Variants in TONSL observed in about 807,000 individuals in gnomAD.
The protein encoded by TONSL is tonsoku like, DNA repair protein.
A neutral mutation model predicts 147.1 loss-of-function variants in TONSL; 112 were observed. The ratio of observed to expected loss-of-function variants is 0.76; its 90% CI spans 0.65 to 0.89. The LOEUF (loss-of-function observed/expected upper bound fraction) is 0.89. Ranked by LOEUF, TONSL falls within the 40% of genes least tolerant of loss-of-function variation. The pLI, the probability that TONSL is intolerant of heterozygous loss-of-function variation, is 0.00. For synonymous variants in TONSL, 868 were observed against 801.5 expected (o/e 1.08, Z -1.40); for missense variants, 1,883 against 1,864.6 (o/e 1.01, Z -0.18).
intron 25 of TONSL, among the ~76,000 whole-genome samples, 200 bp downstream of exon 25, chr8:144,430,204 C>T (rs2130834325): frequency 6.6e-6 from 1 of 152,336 alleles, no homozygotes; most frequent in South Asian, 2.1e-4. Flanking sequence ...ACCTCGCCCC[C>T]TAACCCATGG....
intron 24 of TONSL, 46 bp downstream of exon 24, chr8:144,431,032 T>G (rs370373260): frequency 1.1e-3 from 1,761 of 1,582,932 alleles, no homozygotes; most frequent in Non-Finnish European, 1.3e-3. Flanking sequence ...TCCAGAGCCA[T>G]GAGATCAGAC....
At chr8:144,433,143 C>T (rs12542638) in intron 22 of TONSL, 78,995 of 159,686 alleles carry the variant, frequency 0.49, 19,811 homozygotes, top group Middle Eastern at 0.62. Flanking sequence ...TGCAACGGCG[C>T]GATCTCGGCT....
In TONSL at chr8:144,435,659, A is replaced by C. The variant is rs200290630; in HGVS notation, c.2774T>G (p.Leu925Trp). Residue 925 changes from leucine to tryptophan, a missense_variant and splice_region_variant, in exon 17 of 26, where the codon TTG becomes TGG. Physicochemically the swap from Leu to Trp is moderately conservative, Grantham distance 61. Coordinates refer to ENST00000409379, the MANE Select transcript of TONSL (RefSeq NM_013432.5). ...SGDSSAAGQP[L>W]GPAPPPPIRV... is the part of the protein sequence containing the mutation. The stretch of plus-strand genomic sequence containing the variant: ...TCTGCTCCAGGTCTGCATACCCACC[A>C]AGGGCTGGCCTGCCGCAGAGCTGTC... 48 of 1,598,912 alleles carry C rather than the reference A, an allele frequency of 3.0e-5. No homozygotes were observed. The Admixed American group carries it at 7.7e-4, about 26-fold the overall frequency.
At position 144,436,877 on chromosome 8, in the gene TONSL, G is replaced by C; in HGVS notation, c.1770C>G (p.Asp590Glu). 6.2e-7 allele frequency: 1 copy of C among 1,609,490 alleles called. No homozygotes were observed. Among genetic ancestry groups the C allele is most frequent in the Non-Finnish European group, 8.5e-7 (1 of 1,179,696 alleles). Residue 590 changes from aspartate to glutamate, a missense_variant, in exon 15 of 26, where the codon GAC becomes GAG. Physicochemically the swap from Asp to Glu is conservative, Grantham distance 45 (BLOSUM62 2). Transcript: ENST00000409379. ...FLLDHGAAVD[D>E]PGGQGCEGIT... ...TGCCTTCGCAGCCCTGGCCACCTGGGTCGTCCACTGCGGCCCCGTGGTCCA... is the reference window on the plus strand; with the variant it reads ...TGCCTTCGCAGCCCTGGCCACCTGGCTCGTCCACTGCGGCCCCGTGGTCCA...
intron 23 of TONSL, 80 bp from the exon 24 acceptor site, chr8:144,431,231 C>G: frequency 7.2e-7 from 1 of 1,398,086 alleles, no homozygotes; most frequent in Non-Finnish European, 1.0e-6. Context: ...TGCACCACAC[C>G]CAGGGGCCCA....
chr8:144,436,988 C>G (rs773409446), intron 14 of TONSL, 39 bp downstream of exon 14: 8 of 1,612,872 alleles, frequency 5.0e-6, no homozygotes, highest in African/African-American at 1.3e-5. Flanking sequence ...CCCCACGTGT[C>G]CACCAAGGTG....
Position 144,438,673 on chromosome 8 carries a change from C to T in TONSL, c.1543G>A (p.Gly515Ser), listed in dbSNP as rs1177642295. The change falls in exon 12 of 26, where the codon GGC (glycine) becomes AGC (serine). Residue 515 changes from glycine (G) to serine (S), a missense_variant. Physicochemically the swap from Gly to Ser is moderately conservative, Grantham distance 56. Transcript: ENST00000409379. ...EEDEELQGHL[G>S]RRKGSKWNRR... ...CTCACCTTGCTCCCCTTCCGCCGGC[C>T]CAGGTGGCCCTGAAGCTCCTCGTCC... 4.3e-6 allele frequency: 7 copies of T among 1,613,250 alleles called. No homozygotes were observed. The highest frequency in any genetic ancestry group is 5.9e-6 in the Non-Finnish European group (7 of 1,179,942).
Position 144,436,899 on chromosome 8 carries a change from T to G in TONSL, c.1748A>C (p.Asp583Ala), listed in dbSNP as rs1192788217. 2.7e-5 allele frequency: 44 copies of G among 1,608,428 alleles called. No homozygotes were observed. Among genetic ancestry groups the G allele is most frequent in the Non-Finnish European group, 3.5e-5 (41 of 1,179,166 alleles). ...TGGGTCGTCCACTGCGGCCCCGTGG[T>G]CCAGCAGGAAGCGGACAATTTCTGC... ...GHLEIVRFLL[D>A]HGAAVDDPGG... Residue 583 changes from aspartate to alanine, a missense_variant, in exon 15 of 26, where the codon GAC (aspartate) becomes GCC (alanine). By Grantham distance (126) the Asp-to-Ala change is moderately radical. Transcript: ENST00000409379.
Position 144,436,130 on chromosome 8 carries a change from C to T in TONSL, c.2303G>A (p.Arg768Gln), listed in dbSNP as rs779585131. 14 of 1,561,478 alleles carry T rather than the reference C, an allele frequency of 9.0e-6. No individual in the cohort carries two copies. The highest frequency in any genetic ancestry group is 4.6e-5 in the South Asian group (4 of 87,580). The change falls in exon 17 of 26, where the codon CGG becomes CAG. Residue 768 changes from arginine (R) to glutamine (Q), a missense_variant. Arg to Gln is a conservative substitution (Grantham distance 43, BLOSUM62 1). Transcript: ENST00000409379. The part of the protein sequence containing the change: ...KRPRCSATAQ[R>Q]VAAWTPGPAS... Reference sequence around the variant, plus strand: ...GGGGCCAGGCGTCCAGGCTGCCACCCGTTGTGCTGTGGCCGAGCACCGAGG... The same window carrying T: ...GGGGCCAGGCGTCCAGGCTGCCACCTGTTGTGCTGTGGCCGAGCACCGAGG...
At chr8:144,443,600 G>GGA (rs1188311624) in intron 3 of TONSL, among the ~76,000 whole-genome samples, 1 of 152,240 alleles carries the variant, frequency 6.6e-6, no homozygotes, top group African/African-American at 2.4e-5. Flanking sequence ...CCAGGGTCAG[G>GGA]GAGAGCTTTT....
chr8:144,444,192 G>C lies in TONSL; in HGVS notation c.109C>G (p.Leu37Val), dbSNP rs1236794687. 4.8e-6 allele frequency: 7 copies of C among 1,453,000 alleles called. No homozygotes were observed. The highest frequency in any genetic ancestry group is 6.3e-6 in the Non-Finnish European group (7 of 1,106,200). 90.0% of individuals were successfully genotyped at this position (1,453,000 alleles called of 1,614,324 possible). A position where few individuals can be genotyped will look rare whatever the true frequency, so the allele number is the denominator to read the frequency against. ...AALCHQLGEL[L>V]AGHGRYAEAL... is the part of the protein sequence containing the mutation. ...TCCCGGCGCTCACCATGGCCGGCCA[G>C]GAGCTCCCCCAGCTGGTGGCACAGC... The change falls in exon 2 of 26, where the codon CTG (leucine) becomes GTG (valine). Residue 37 changes from leucine to valine, a missense_variant. Transcript: ENST00000409379.
Position 144,436,582 on chromosome 8 carries a change from G to A in TONSL, c.1990C>T (p.Leu664Phe). Residue 664 changes from leucine (L) to phenylalanine (F), a missense_variant, in exon 16 of 26, where the codon CTC becomes TTC. Leu to Phe is a conservative substitution (Grantham distance 22). Transcript: ENST00000409379. ...RQKARAMEML[L>F]QAAASGQDPH... ...CCTTGGCCCGAGGCAGCCGCCTGGA[G>A]CAGCATCTCCATGGCCCTGGCCTTC... 6.2e-7 allele frequency: 1 copy of A among 1,611,160 alleles called. No homozygotes were observed. Among genetic ancestry groups the A allele is most frequent in the Non-Finnish European group, 8.5e-7 (1 of 1,179,914 alleles).
At position 144,436,105 on chromosome 8, in the gene TONSL, G is replaced by A. The variant is rs545590970; in HGVS notation, c.2328C>T (p.Pro776=). Reference sequence around the variant, plus strand: ...CTGTGGCTGCTTCCCTGTTGCTGGCGGGGCCAGGCGTCCAGGCTGCCACCC... The same window carrying A: ...CTGTGGCTGCTTCCCTGTTGCTGGCAGGGCCAGGCGTCCAGGCTGCCACCC... ...AQRVAAWTPG[P]ASNREAATAS... is the part of the protein sequence containing the mutation. Residue 776 remains proline, a synonymous_variant, in exon 17 of 26, where the codon CCC becomes CCT. Coordinates refer to ENST00000409379, the MANE Select transcript of TONSL (RefSeq NM_013432.5). 3.7e-5 allele frequency: 58 copies of A among 1,558,022 alleles called. No individual in the cohort carries two copies. Among genetic ancestry groups the A allele is most frequent in the South Asian group, 3.4e-4 (30 of 87,174 alleles).
chr8:144,435,968 G>A lies in TONSL; in HGVS notation c.2465C>T (p.Ala822Val). ...GCACTCCTCCTCCGGGATGAGCGCT[G>A]CCTGGGGGGCAAGGGCTTTGCTGTG... is the stretch of plus-strand genomic sequence containing the variant. ...RGHSKALAPQ[A>V]ALIPEEECLA... The change falls in exon 17 of 26, where the codon GCA (alanine) becomes GTA (valine). Residue 822 changes from alanine (A) to valine (V), a missense_variant. Physicochemically the swap from Ala to Val is moderately conservative, Grantham distance 64. Transcript: ENST00000409379. The A allele has an allele frequency of 1.3e-6, 2 of 1,556,816 alleles. No individual in the cohort carries two copies. The highest frequency in any genetic ancestry group is 1.7e-6 in the Non-Finnish European group (2 of 1,151,508).
At chr8:144,436,440 T>G in intron 16 of TONSL, 22 bp from the exon 17 acceptor site, 1 of 1,526,520 alleles carries the variant, frequency 6.6e-7, no homozygotes, top group South Asian at 1.2e-5. Flanking sequence ...AGAATGCGTG[T>G]TGAGGCAGGG....
chr8:144,442,220 G>A (rs370357015), intron 6 of TONSL, 21 bp downstream of exon 6: 105 of 1,589,470 alleles, frequency 6.6e-5, no homozygotes, highest in South Asian at 1.3e-4. Flanking sequence ...GCCTGAGCTC[G>A]GAGCCACGCA....
intron 19 of TONSL, 22 bp downstream of exon 19, chr8:144,434,995 C>G (rs765048419): frequency 6.2e-7 from 1 of 1,611,828 alleles, no homozygotes; most frequent in South Asian, 1.1e-5. Context: ...GGCCCTGGCT[C>G]CCCCTCCGCT....
At position 144,436,701 on chromosome 8, in the gene TONSL, CA is replaced by C. The variant is rs775277221; in HGVS notation, c.1891-21del. The C allele has an allele frequency of 6.2e-7, 1 of 1,611,584 alleles. No individual in the cohort carries two copies. Among genetic ancestry groups the C allele is most frequent in the East Asian group, 2.2e-5 (1 of 44,878 alleles). On this transcript the variant is annotated intron_variant, in intron 15 of 25. Coordinates refer to ENST00000409379, the MANE Select transcript of TONSL (RefSeq NM_013432.5). ...GAGGCCCTGTGTGGCATCAGTTGAG[CA>C]GGGGCACAGCAGCCCCCATAACCTC...
chr8:144,442,954 G>A (rs1171838637), intron 4 of TONSL, 148 bp from the exon 5 acceptor site: 1 of 1,266,568 alleles, frequency 7.9e-7, no homozygotes, highest in African/African-American at 1.5e-5. Context: ...ATGGAGCACA[G>A]AGTGGATAAA....
Sources: gnomAD v4.1 joint callset for allele counts (sites outside exome capture counted in the v4.1 genomes callset) on GRCh38, gnomAD v4.1.1 for gene constraint, MANE v1.5 for transcripts, NCBI Gene and HGNC (gene_info 2026-07-23, HGNC 2026-07-21) for gene names.